NGEF: variants seen among roughly 807,000 people sequenced by gnomAD.
The protein encoded by NGEF is neuronal guanine nucleotide exchange factor.
NGEF carries 31 observed loss-of-function variants against 80.9 expected under a neutral mutation model. That is an observed-to-expected ratio of 0.38 (90% CI 0.29 to 0.52). The LOEUF is 0.52. NGEF is among the 20% of genes least tolerant of loss of function. NGEF has a pLI of 0.84. For missense variants in NGEF, 709 were observed against 926.2 expected (o/e 0.77, Z 3.04); for synonymous variants, 371 against 370.2 (o/e 1.00, Z -0.03).
intron 6 of NGEF, 42 bp downstream of exon 6, chr2:232,894,714 A>C (rs1330651937): frequency 6.7e-7 from 1 of 1,498,104 alleles, no homozygotes. Context: ...CCTGGGGATG[A>C]AGAAGGGCCC....
intron 1 of NGEF, among the ~76,000 whole-genome samples, chr2:232,985,323 A>G (rs778191878): frequency 3.9e-5 from 6 of 152,214 alleles, no homozygotes; most frequent in Non-Finnish European, 8.8e-5. Flanking sequence ...AACATTAAGA[A>G]TTCAGTTTAT....
At chr2:232,985,883 G>C (rs974821372) in intron 1 of NGEF, among the ~76,000 whole-genome samples, 2 of 151,064 alleles carry the variant, frequency 1.3e-5, no homozygotes, top group Non-Finnish European at 2.9e-5. Context: ...AGGTTGCAGT[G>C]AGCCCAGATC....
intron 12 of NGEF, 90 bp from the exon 13 acceptor site, chr2:232,882,355 G>T: frequency 2.6e-6 from 3 of 1,172,408 alleles, no homozygotes; most frequent in East Asian, 2.5e-5. Flanking sequence ...GCTGCCCCTC[G>T]GATCTGCGTC....
rs146669888 is a variant in NGEF, at chr2:233,012,588, C to T, written c.-75+480G>A. Reference sequence around the variant, plus strand: ...TGGCACACAGGAATCAGGGCACTTCCGTTTACATATACGCTCATTATCAGG... The same window carrying T: ...TGGCACACAGGAATCAGGGCACTTCTGTTTACATATACGCTCATTATCAGG... On this transcript the variant is annotated intron_variant, in intron 1 of 14. Coordinates refer to ENST00000264051, the MANE Select transcript of NGEF (RefSeq NM_019850.3). 1.4e-3 allele frequency: 421 copies of T among 292,746 alleles called. 2 individuals are homozygous for T. Among genetic ancestry groups the T allele is most frequent in the East Asian group, 0.013 (126 of 9,406 alleles). 18.1% of individuals were successfully genotyped at this position (292,746 alleles called of 1,614,324 possible).
At position 232,900,030 on chromosome 2, in the gene NGEF, A is replaced by G. The variant is rs1347531468; in HGVS notation, c.829-5114T>C. Among the ~76,000 whole-genome samples, 240 of 106,662 alleles carry G rather than the reference A, an allele frequency of 2.3e-3. 7 individuals carry two copies. The highest frequency in any genetic ancestry group is 8.8e-3 in the African/African-American group (227 of 25,808). 70.0% of individuals were successfully genotyped at this position (106,662 alleles called of 152,430 possible). A position where few individuals can be genotyped will look rare whatever the true frequency, so the allele number is the denominator to read the frequency against. ...CAGTCACTCATATACACGTTCACTC[A>G]CATTCACTCACACACACACGCTCTC... On this transcript the variant is annotated intron_variant, in intron 5 of 14. Transcript: ENST00000264051.
intron 5 of NGEF, among the ~76,000 whole-genome samples, chr2:232,901,090 G>T (rs890128344): frequency 6.6e-6 from 1 of 152,360 alleles, no homozygotes; most frequent in East Asian, 1.9e-4. Flanking sequence ...AAGCCAACCT[G>T]CTCCTGATGG....
chr2:232,889,955 C>T (rs1337489152), intron 8 of NGEF, among the ~76,000 whole-genome samples: 1 of 151,140 alleles, frequency 6.6e-6, no homozygotes, highest in Non-Finnish European at 1.5e-5. Context: ...CTATACCGTC[C>T]ACTTCACCAG....
chr2:232,958,556 G>T (rs1693880821), intron 3 of NGEF, among the ~76,000 whole-genome samples: 1 of 152,102 alleles, frequency 6.6e-6, no homozygotes, highest in South Asian at 2.1e-4. Context: ...ACAAAACTTG[G>T]CATGGTCCTA....
intron 9 of NGEF, among the ~76,000 whole-genome samples, chr2:232,887,573 G>A (rs928804166): frequency 6.6e-6 from 1 of 152,196 alleles, no homozygotes; most frequent in Non-Finnish European, 1.5e-5. Context: ...AACCAGCCTC[G>A]GTGAGCCTCA....
At chr2:232,936,373 G>A (rs1165409356) in intron 3 of NGEF, among the ~76,000 whole-genome samples, 2 of 152,204 alleles carry the variant, frequency 1.3e-5, no homozygotes, top group African/African-American at 4.8e-5. Context: ...CCAAAGACAG[G>A]TCTGGCTTTT....
At chr2:232,941,275 C>T (rs1693432469) in intron 3 of NGEF, among the ~76,000 whole-genome samples, 1 of 151,132 alleles carries the variant, frequency 6.6e-6, no homozygotes, top group Non-Finnish European at 1.5e-5. Context: ...ATCTTAGGAG[C>T]AGTTTAGGGA....
In NGEF at chr2:232,905,762, T is replaced by C. The variant is rs374274477; in HGVS notation, c.829-10846A>G. On this transcript the variant is annotated intron_variant, in intron 5 of 14. Transcript: ENST00000264051. ...AGCGCCTCTGCCCCACCGCCCTGTCTGGGATGTGAGGAGACCCTCCGCCTG... is the reference window on the plus strand; with the variant it reads ...AGCGCCTCTGCCCCACCGCCCTGTCCGGGATGTGAGGAGACCCTCCGCCTG... 14 of 371,902 alleles carry C rather than the reference T, an allele frequency of 3.8e-5. No individual in the cohort carries two copies. The East Asian group carries it at 4.1e-4, about 11-fold the overall frequency. The allele number at this position is 371,902 out of a possible 1,614,324, so 23.0% of individuals were successfully genotyped here.
At chr2:232,960,533 G>C (rs962428096) in intron 3 of NGEF, among the ~76,000 whole-genome samples, 1 of 152,196 alleles carries the variant, frequency 6.6e-6, no homozygotes, top group African/African-American at 2.4e-5. Context: ...TGGGTTCACT[G>C]TCTGGCTGTC....
chr2:232,921,377 T>C (rs1692939493), intron 4 of NGEF, among the ~76,000 whole-genome samples: 1 of 152,198 alleles, frequency 6.6e-6, no homozygotes, highest in Non-Finnish European at 1.5e-5. Context: ...GTCTTGTCTA[T>C]GGTGCCACAG....
chr2:232,953,743 G>C (rs947387476), intron 3 of NGEF, among the ~76,000 whole-genome samples: 20 of 152,076 alleles, frequency 1.3e-4, no homozygotes, highest in African/African-American at 4.1e-4. Context: ...TTTCCAGGAG[G>C]AACGCAGAGG....
intron 3 of NGEF, among the ~76,000 whole-genome samples, chr2:232,928,315 G>T (rs1693136120): frequency 6.7e-6 from 1 of 149,554 alleles, no homozygotes; most frequent in Non-Finnish European, 1.5e-5. Context: ...GCTGGGGCCT[G>T]CCGCGGGCTC....
chr2:233,006,608 G>T (rs551710697), intron 1 of NGEF, among the ~76,000 whole-genome samples: 18 of 152,288 alleles, frequency 1.2e-4, no homozygotes. Context: ...ACTAATAAAT[G>T]CTGCTGAAAG....
intron 5 of NGEF, among the ~76,000 whole-genome samples, chr2:232,910,976 C>T (rs976534488): frequency 9.9e-5 from 15 of 152,158 alleles, no homozygotes; most frequent in African/African-American, 3.6e-4. Context: ...GTGTCTTTTG[C>T]AGAGCAGAAG....
chr2:232,996,730 G>T (rs772492867), intron 1 of NGEF, among the ~76,000 whole-genome samples: 9 of 152,150 alleles, frequency 5.9e-5, no homozygotes, highest in Non-Finnish European at 1.3e-4. Context: ...CCTAACCTCA[G>T]GTGATCTGTC....
Sources: allele counts gnomAD v4.1 joint callset (sites outside exome capture counted in the v4.1 genomes callset), GRCh38; gene constraint gnomAD v4.1.1; transcripts MANE v1.5; gene names NCBI Gene and HGNC (gene_info 2026-07-23, HGNC 2026-07-21).